SLC9C2: variants seen among roughly 807,000 people sequenced by gnomAD.
The protein encoded by SLC9C2 is sodium/hydrogen exchanger 11.
A neutral mutation model predicts 140.2 loss-of-function variants in SLC9C2; 75 were observed. The ratio of observed to expected loss-of-function variants is 0.53; its 90% CI spans 0.44 to 0.65. SLC9C2 has a LOEUF of 0.65. Among genes scored for constraint, SLC9C2 ranks in the 30% least tolerant of loss-of-function variants. The pLI is 0.00. For missense variants in SLC9C2, 1,074 were observed against 1,331.8 expected (o/e 0.81, Z 3.01); for synonymous variants, 375 against 420.9 (o/e 0.89, Z 1.34).
At chr1:173,566,849 C>T (rs982490278) in intron 9 of SLC9C2, among the ~76,000 whole-genome samples, 6 of 150,558 alleles carry the variant, frequency 4.0e-5, no homozygotes, top group African/African-American at 1.5e-4. Context: ...ACTGCTTTTG[C>T]TGCATCCCAT....
intron 17 of SLC9C2, among the ~76,000 whole-genome samples, chr1:173,530,500 G>T (rs771453085): frequency 1.3e-5 from 2 of 152,116 alleles, no homozygotes; most frequent in Non-Finnish European, 2.9e-5. Flanking sequence ...AGAACTTAGG[G>T]TATCTAAGAT....
At chr1:173,548,361 A>AACT in intron 12 of SLC9C2, 28 bp downstream of exon 12, 1 of 1,597,360 alleles carries the variant, frequency 6.3e-7, no homozygotes, top group Non-Finnish European at 8.5e-7. Context: ...AGGAAAGGAA[A>AACT]ACTACTTTTT....
At chr1:173,506,473 C>T (rs7525100) in intron 25 of SLC9C2, among the ~76,000 whole-genome samples, 22,975 of 152,276 alleles carry the variant, frequency 0.15, 2,037 homozygotes, top group East Asian at 0.31. Context: ...AGTGATGTGG[C>T]CCCTACTCTA....
At chr1:173,522,397 C>A (rs1323242400) in intron 21 of SLC9C2, among the ~76,000 whole-genome samples, 1 of 152,232 alleles carries the variant, frequency 6.6e-6, no homozygotes, top group Non-Finnish European at 1.5e-5. Context: ...CAGAAGCAAA[C>A]TGAACGTCTG....
chr1:173,545,905 T>C (rs1662814206), intron 13 of SLC9C2, among the ~76,000 whole-genome samples: 1 of 152,154 alleles, frequency 6.6e-6, no homozygotes, highest in Admixed American at 6.5e-5. Flanking sequence ...TTCCTCTAGG[T>C]GGCTTCTCAT....
At position 173,517,708 on chromosome 1, in the gene SLC9C2, C is replaced by A; in HGVS notation, c.2740-4G>T. The A allele has an allele frequency of 6.3e-7, 1 of 1,591,494 alleles. No homozygotes were observed. The highest frequency in any genetic ancestry group is 8.5e-7 in the Non-Finnish European group (1 of 1,173,026). Reference sequence around the variant, plus strand: ...AGGTAGGAGATAAACTATGCAACTGCAAAGGGAAAAAAAGTGTGCAAAGGG... The same window carrying A: ...AGGTAGGAGATAAACTATGCAACTGAAAAGGGAAAAAAAGTGTGCAAAGGG... On this transcript the variant is annotated splice_polypyrimidine_tract_variant and splice_region_variant and intron_variant, in intron 22 of 27. Coordinates refer to ENST00000367714, the MANE Select transcript of SLC9C2 (RefSeq NM_178527.4).
At chr1:173,585,871 G>A (rs1028622334) in intron 5 of SLC9C2, among the ~76,000 whole-genome samples, 6 of 152,110 alleles carry the variant, frequency 3.9e-5, no homozygotes, top group Non-Finnish European at 8.8e-5. Flanking sequence ...GGGAGGCTGA[G>A]GCAGGAGAAT....
Position 173,572,703 on chromosome 1 carries a change from C to T in SLC9C2, c.1046+479G>A, listed in dbSNP as rs544234566. The stretch of plus-strand genomic sequence containing the variant: ...CACAAAGTGATATTCACATCAATGG[C>T]ATACAGTACATGGTAACTGCATTAT... On this transcript the variant is annotated intron_variant, in intron 9 of 27. Transcript: ENST00000367714. 4.6e-5 allele frequency among the ~76,000 whole-genome samples: 7 copies of T among 152,292 alleles called. No homozygotes were observed. In the South Asian group the frequency reaches 1.5e-3, roughly 32 times the overall value.
intron 3 of SLC9C2, among the ~76,000 whole-genome samples, chr1:173,599,132 T>G (rs1381734698): frequency 6.6e-6 from 1 of 152,090 alleles, no homozygotes; most frequent in Non-Finnish European, 1.5e-5. Context: ...GGCCCTTTTT[T>G]TTTTGAGACG....
chr1:173,547,737 A>T lies in SLC9C2; in HGVS notation c.1509T>A (p.Asp503Glu). 6.2e-7 allele frequency: 1 copy of T among 1,612,484 alleles called. No individual in the cohort carries two copies. Among genetic ancestry groups the T allele is most frequent in the East Asian group, 2.2e-5 (1 of 44,750 alleles). Reference sequence around the variant, plus strand: ...ATCTGGCTTCCTCCATTAAAGCTTCATCTGTTGTGGATTCTGTCTTCATAT... The same window carrying T: ...ATCTGGCTTCCTCCATTAAAGCTTCTTCTGTTGTGGATTCTGTCTTCATAT... ...HNDMKTESTT[D>E]EALMEEARLH... The change falls in exon 13 of 28, where the codon GAT (aspartate) becomes GAA (glutamate). Residue 503 changes from aspartate (D) to glutamate (E), a missense_variant. Asp to Glu is a conservative substitution (Grantham distance 45, BLOSUM62 2). Transcript: ENST00000367714.
chr1:173,588,361 C>T (rs1326602657), intron 4 of SLC9C2, among the ~76,000 whole-genome samples: 1 of 152,022 alleles, frequency 6.6e-6, no homozygotes, highest in Admixed American at 6.6e-5. Context: ...ATTGTTTATG[C>T]CCAAGTATAA....
At chr1:173,568,706 A>G (rs150572071) in intron 9 of SLC9C2, among the ~76,000 whole-genome samples, 208 of 152,308 alleles carry the variant, frequency 1.4e-3, no homozygotes, top group Non-Finnish European at 2.6e-3. Context: ...GAATTGCCAG[A>G]CAGTGTTATA....
intron 18 of SLC9C2, among the ~76,000 whole-genome samples, chr1:173,527,996 C>A (rs1320013962): frequency 6.6e-6 from 1 of 152,126 alleles, no homozygotes; most frequent in Non-Finnish European, 1.5e-5. Flanking sequence ...CATATCCTAG[C>A]CCAGCCCTGC....
rs1666801649 is a variant in SLC9C2, at chr1:173,601,822, G to T, written c.-46C>A. The T allele has an allele frequency of 1.2e-6, 2 of 1,608,064 alleles. No individual in the cohort carries two copies. The highest frequency in any genetic ancestry group is 2.7e-5 in the African/African-American group (2 of 74,664). On this transcript the variant is annotated 5_prime_UTR_variant, in exon 2 of 28. Coordinates refer to ENST00000367714, the MANE Select transcript of SLC9C2 (RefSeq NM_178527.4). ...AGACCTAACTTGATGGAGTGGTTTG[G>T]TTATTATTGACACTTTCACTTCTGC...
Position 173,583,598 on chromosome 1 carries a change from A to C in SLC9C2, c.548T>G (p.Leu183Arg). ...TIGISKIYID[L>R]IRGESLIICS... ...AATGATCAATGATTCTCCTCTAATG[A>C]GATCAATGTATATTTTAGAAATGCC... is the stretch of plus-strand genomic sequence containing the variant. The change falls in exon 6 of 28, where the codon CTC (leucine) becomes CGC (arginine). Residue 183 changes from leucine (L) to arginine (R), a missense_variant. Transcript: ENST00000367714. 1 of 1,574,064 alleles carries C rather than the reference A, an allele frequency of 6.4e-7. No homozygotes were observed. Among genetic ancestry groups the C allele is most frequent in the African/African-American group, 1.4e-5 (1 of 73,220 alleles).
intron 18 of SLC9C2, among the ~76,000 whole-genome samples, chr1:173,528,066 C>A (rs1181743152): frequency 2.0e-5 from 3 of 152,152 alleles, no homozygotes; most frequent in African/African-American, 7.2e-5. Context: ...CTTACAGCAA[C>A]CCTGTAAGAC....
intron 9 of SLC9C2, among the ~76,000 whole-genome samples, chr1:173,564,094 C>T (rs968990373): frequency 2.0e-5 from 3 of 152,048 alleles, no homozygotes; most frequent in Non-Finnish European, 2.9e-5. Flanking sequence ...TTTTCTTTAC[C>T]CATTCATCTG....
chr1:173,590,112 G>A (rs548859439), intron 4 of SLC9C2, among the ~76,000 whole-genome samples: 11 of 152,000 alleles, frequency 7.2e-5, no homozygotes, highest in Middle Eastern at 3.4e-3. Flanking sequence ...GTGTGGTGGC[G>A]GATGCCTGTA....
chr1:173,569,085 T>C (rs12030537), intron 9 of SLC9C2, among the ~76,000 whole-genome samples: 42,999 of 151,974 alleles, frequency 0.28, 6,666 homozygotes, highest in East Asian at 0.64. Context: ...TATACTATTC[T>C]TGGGTAAAAG....
Sources: gnomAD v4.1 joint callset for allele counts (sites outside exome capture counted in the v4.1 genomes callset) on GRCh38, gnomAD v4.1.1 for gene constraint, MANE v1.5 for transcripts, NCBI Gene and HGNC (gene_info 2026-07-23, HGNC 2026-07-21) for gene names.